RBFOX1: variants seen among roughly 807,000 people sequenced by gnomAD.
RBFOX1 encodes RNA binding fox-1 homolog 1, also known as RNA binding protein fox-1 homolog 1.
RBFOX1 carries 8 observed loss-of-function variants against 57.7 expected under a neutral mutation model. The ratio of observed to expected loss-of-function variants is 0.14; its 90% CI spans 0.08 to 0.25. The LOEUF (loss-of-function observed/expected upper bound fraction) is 0.25. Among genes scored for constraint, RBFOX1 ranks in the 10% least tolerant of loss-of-function variants. The pLI, the probability that RBFOX1 is intolerant of heterozygous loss-of-function variation, is 1.00. For missense variants in RBFOX1, 611 were observed against 548.5 expected, an observed-to-expected ratio of 1.11 and a Z score of -1.14; for synonymous variants, 326 against 222.4, an observed-to-expected ratio of 1.47 and a Z score of -4.15.
chr16:7,470,979 A>G (rs1356721973), intron 4 of RBFOX1, among the ~76,000 whole-genome samples: 1 of 152,038 alleles, frequency 6.6e-6, no homozygotes, highest in African/African-American at 2.4e-5. Context: ...AGTCTTTTCC[A>G]TGATCCTACT....
chr16:6,225,582 A>G (rs1016673170), intron 1 of RBFOX1, among the ~76,000 whole-genome samples: 4 of 152,220 alleles, frequency 2.6e-5, no homozygotes, highest in Admixed American at 6.5e-5. Context: ...GAGGATAGTG[A>G]AATTTACTTT....
intron 1 of RBFOX1, among the ~76,000 whole-genome samples, chr16:6,095,336 C>G (rs997161468): frequency 1.3e-5 from 2 of 152,186 alleles, no homozygotes; most frequent in African/African-American, 4.8e-5. Context: ...TTTAGGACAT[C>G]TCCCTTATTT....
intron 2 of RBFOX1, among the ~76,000 whole-genome samples, chr16:5,541,964 A>G (rs1282689401): frequency 6.6e-6 from 1 of 151,918 alleles, no homozygotes; most frequent in East Asian, 1.9e-4. Flanking sequence ...TTTAGTGGTG[A>G]TTTCTGAGAT....
At chr16:5,844,183 G>A (rs918735968) in intron 3 of RBFOX1, among the ~76,000 whole-genome samples, 6 of 152,266 alleles carry the variant, frequency 3.9e-5, no homozygotes, top group African/African-American at 7.2e-5. Flanking sequence ...GAGGTCTAAC[G>A]TGTTCACAAA....
At chr16:6,103,084 G>A (rs2096334286) in intron 1 of RBFOX1, among the ~76,000 whole-genome samples, 1 of 152,192 alleles carries the variant, frequency 6.6e-6, no homozygotes, top group African/African-American at 2.4e-5. Context: ...ACACTTGTTG[G>A]TGATTTAGGA....
intron 3 of RBFOX1, among the ~76,000 whole-genome samples, chr16:5,780,339 C>A (rs1158077378): frequency 6.6e-6 from 1 of 152,172 alleles, no homozygotes; most frequent in African/African-American, 2.4e-5. Flanking sequence ...TTTCTATAAT[C>A]TTTTTATTTC....
chr16:6,330,276 A>G (rs1166982585), intron 2 of RBFOX1, among the ~76,000 whole-genome samples: 1 of 152,228 alleles, frequency 6.6e-6, no homozygotes, highest in Non-Finnish European at 1.5e-5. Context: ...TGGCTGAAAC[A>G]GATTGCAAGC....
intron 3 of RBFOX1, among the ~76,000 whole-genome samples, chr16:6,741,931 C>G (rs12446860): frequency 6.2e-4 from 95 of 152,142 alleles, no homozygotes; most frequent in African/African-American, 2.1e-3. Flanking sequence ...TAGTGATAGA[C>G]TGTAGTTAAT....
chr16:7,062,687 G>T (rs961446992), intron 4 of RBFOX1, among the ~76,000 whole-genome samples: 2 of 152,038 alleles, frequency 1.3e-5, no homozygotes, highest in Non-Finnish European at 2.9e-5. Context: ...ATATTGAGTA[G>T]GGTAATGCTA....
chr16:6,418,215 A>G (rs148518857), intron 2 of RBFOX1, among the ~76,000 whole-genome samples: 150 of 152,284 alleles, frequency 9.9e-4, no homozygotes, highest in African/African-American at 3.4e-3. Context: ...TGAGGCTTGG[A>G]GAGACCATAT....
intron 4 of RBFOX1, among the ~76,000 whole-genome samples, chr16:6,008,751 A>G (rs1039452615): frequency 6.6e-6 from 1 of 152,166 alleles, no homozygotes; most frequent in Admixed American, 6.5e-5. Flanking sequence ...TCAGATAAGT[A>G]CCTACGTTTT....
chr16:5,897,351 A>G (rs1009180863), intron 4 of RBFOX1, among the ~76,000 whole-genome samples: 1 of 150,798 alleles, frequency 6.6e-6, no homozygotes, highest in Non-Finnish European at 1.5e-5. Flanking sequence ...CCGCTTTTAA[A>G]CAGAAAAGGC....
chr16:6,961,768 G>T (rs2083068910), intron 3 of RBFOX1, among the ~76,000 whole-genome samples: 1 of 152,148 alleles, frequency 6.6e-6, no homozygotes, highest in Non-Finnish European at 1.5e-5. Context: ...AAATTGTCAT[G>T]GCACTAGTGA....
At chr16:6,530,491 T>C (rs545597753) in intron 2 of RBFOX1, among the ~76,000 whole-genome samples, 57 of 152,316 alleles carry the variant, frequency 3.7e-4, no homozygotes, top group African/African-American at 1.3e-3. Context: ...TTTCTCACGA[T>C]GCATAACTAT....
chr16:6,739,676 A>C (rs1281034127), intron 3 of RBFOX1, among the ~76,000 whole-genome samples: 1 of 152,146 alleles, frequency 6.6e-6, no homozygotes, highest in Non-Finnish European at 1.5e-5. Flanking sequence ...CACGAGTTCG[A>C]GACCAGCTTG....
At chr16:7,649,061 A>C (rs1217731611) in intron 11 of RBFOX1, among the ~76,000 whole-genome samples, 3 of 152,156 alleles carry the variant, frequency 2.0e-5, no homozygotes, top group Admixed American at 2.0e-4. Context: ...TTGTGCAAAA[A>C]AAGAATTCGG....
intron 2 of RBFOX1, among the ~76,000 whole-genome samples, chr16:6,331,424 G>T (rs2083010878): frequency 6.7e-6 from 1 of 148,410 alleles, no homozygotes; most frequent in African/African-American, 2.5e-5. Context: ...TTCATCCTGG[G>T]TGACAGAATG....
intron 1 of RBFOX1, among the ~76,000 whole-genome samples, chr16:6,088,389 C>T (rs997778608): frequency 1.3e-5 from 2 of 152,140 alleles, no homozygotes; most frequent in Non-Finnish European, 2.9e-5. Context: ...TAGTAATTGT[C>T]ATTTGTCTAT....
intron 4 of RBFOX1, among the ~76,000 whole-genome samples, chr16:7,114,848 A>G (rs559764925): frequency 6.6e-6 from 1 of 152,324 alleles, no homozygotes; most frequent in Admixed American, 6.5e-5. Context: ...CAAATCGTAA[A>G]GGTCTGAGAA....
Sources: gnomAD v4.1 joint callset for allele counts (sites outside exome capture counted in the v4.1 genomes callset) on GRCh38, gnomAD v4.1.1 for gene constraint, MANE v1.5 for transcripts, NCBI Gene and HGNC (gene_info 2026-07-23, HGNC 2026-07-21) for gene names.